VRK3: variants seen among roughly 807,000 people sequenced by gnomAD.
VRK3 encodes the protein VRK serine/threonine kinase 3, also known as serine/threonine-protein kinase VRK3.
A neutral mutation model predicts 60.4 loss-of-function variants in VRK3; 50 were observed. The observed-to-expected ratio is 0.83, with a 90% CI of 0.66 to 1.05. VRK3 has a LOEUF of 1.05. VRK3 is among the 50% of genes least tolerant of loss of function. The probability of loss-of-function intolerance (pLI) is 0.00; values close to 1 mark genes in which losing one functional copy is unlikely to be tolerated. For synonymous variants in VRK3, 246 were observed against 227.8 expected (o/e 1.08, Z -0.72); for missense variants, 549 against 585.3 (o/e 0.94, Z 0.64).
chr19:49,978,418 G>A (rs76993087), intron 14 of VRK3, among the ~76,000 whole-genome samples: 257 of 152,304 alleles, frequency 1.7e-3, no homozygotes, highest in Non-Finnish European at 2.6e-3. Flanking sequence ...ATTCCTGCAC[G>A]TTTACACAAA....
intron 5 of VRK3, among the ~76,000 whole-genome samples, chr19:50,004,619 T>C (rs1312995729): frequency 6.6e-6 from 1 of 152,020 alleles, no homozygotes; most frequent in African/African-American, 2.4e-5. Flanking sequence ...ACACAGAGAG[T>C]TCCCAAAGTG....
At chr19:49,979,765 C>A (rs371778393) in intron 13 of VRK3, among the ~76,000 whole-genome samples, 12 of 152,070 alleles carry the variant, frequency 7.9e-5, no homozygotes, top group Non-Finnish European at 1.3e-4. Flanking sequence ...GTAATTCAGC[C>A]GGGCGCGGTG....
chr19:50,007,605 A>G lies in VRK3; in HGVS notation c.511T>C (p.Phe171Leu), dbSNP rs11547883. Reference sequence around the variant, plus strand: ...ATGCCCTGGTTGTCCCTGGTCTGGAAGGACTTCAGCTTCCACTGTCGCCCA... The same window carrying G: ...ATGCCCTGGTTGTCCCTGGTCTGGAGGGACTTCAGCTTCCACTGTCGCCCA... ...KSGRQWKLKS[F>L]QTRDNQGILY... is the part of the protein sequence containing the mutation. The change falls in exon 5 of 15, where the codon TTC (phenylalanine) becomes CTC (leucine). Residue 171 changes from phenylalanine (F) to leucine (L), a missense_variant. Coordinates refer to ENST00000316763, the MANE Select transcript of VRK3 (RefSeq NM_016440.4). 9.9e-3 allele frequency: 15,945 copies of G among 1,614,148 alleles called. 1,374 individuals carry two copies. In the African/African-American group the frequency reaches 0.19, roughly 19 times the overall value.
intron 12 of VRK3, chr19:49,986,994 T>C (rs1156578351): frequency 6.6e-6 from 1 of 152,214 alleles, no homozygotes; most frequent in Non-Finnish European, 1.5e-5. Context: ...TTCAAGCAAT[T>C]TTCCTGCCTC....
At chr19:50,023,654 GGC>G in intron 1 of VRK3, among the ~76,000 whole-genome samples, 1 of 152,152 alleles carries the variant, frequency 6.6e-6, no homozygotes, top group Non-Finnish European at 1.5e-5. Flanking sequence ...AAACAGGCCT[GGC>G]ACAGAGCAAA....
At chr19:50,000,179 G>GGCGGGGCTA (rs1184548918) in intron 6 of VRK3, 2 of 152,666 alleles carry the variant, frequency 1.3e-5, no homozygotes. Context: ...CAGGGATGAT[G>GGCGGGGCTA]GCGGGGCTAT....
intron 3 of VRK3, among the ~76,000 whole-genome samples, chr19:50,012,774 C>T (rs2077015592): frequency 6.6e-6 from 1 of 152,232 alleles, no homozygotes; most frequent in Admixed American, 6.5e-5. Flanking sequence ...ACTACGGAGG[C>T]TGAGGCAGGA....
At chr19:49,984,479 C>T (rs1363481435) in intron 12 of VRK3, among the ~76,000 whole-genome samples, 1 of 152,160 alleles carries the variant, frequency 6.6e-6, no homozygotes, top group East Asian at 1.9e-4. Context: ...CTACCTCCAC[C>T]CTCACCTGCA....
intron 11 of VRK3, 110 bp downstream of exon 11, chr19:49,989,529 T>A: frequency 7.1e-7 from 1 of 1,414,912 alleles, no homozygotes; most frequent in Non-Finnish European, 9.4e-7. Flanking sequence ...CCTGGCGCCC[T>A]TAGTGCCTCT....
chr19:50,007,756 C>G lies in VRK3; in HGVS notation c.360G>C (p.Arg120Ser). 1 of 1,614,032 alleles carries G rather than the reference C, an allele frequency of 6.2e-7. No homozygotes were observed. The highest frequency in any genetic ancestry group is 1.1e-5 in the South Asian group (1 of 90,980). Residue 120 changes from arginine (R) to serine (S), a missense_variant, in exon 5 of 15, where the codon AGG (arginine) becomes AGC (serine). Arg to Ser is a moderately radical substitution (Grantham distance 110, BLOSUM62 -1). Transcript: ENST00000316763. ...TACAGCTGGTCTTCTGAGGGCTACC[C>G]CTGGTCACCTGAGGGCTCTTCCTGG... ...QKTRKSPQVT[R>S]GSPQKTSCSP...
intron 10 of VRK3, 83 bp downstream of exon 10, chr19:49,992,777 C>G: frequency 7.7e-7 from 1 of 1,290,904 alleles, no homozygotes; most frequent in Non-Finnish European, 1.1e-6. Context: ...CTGTAATAAG[C>G]ACTATGAAAT....
At chr19:50,022,994 A>C (rs115779557) in intron 1 of VRK3, among the ~76,000 whole-genome samples, 1 of 151,928 alleles carries the variant, frequency 6.6e-6, no homozygotes. Context: ...AGTCAGCCAC[A>C]ACAGCTTCGG....
chr19:49,992,858 A>G lies in VRK3; in HGVS notation c.963+2T>C. 1 of 1,614,064 alleles carries G rather than the reference A, an allele frequency of 6.2e-7. No homozygotes were observed. Among genetic ancestry groups the G allele is most frequent in the Non-Finnish European group, 8.5e-7 (1 of 1,179,992 alleles). Reference sequence around the variant, plus strand: ...CCAGAGTGGGCAGGAGCTGGCTCTTACCTGACTCTGGTCCTCTGGATCCAC... The same window carrying G: ...CCAGAGTGGGCAGGAGCTGGCTCTTGCCTGACTCTGGTCCTCTGGATCCAC... On this transcript the variant is annotated splice_donor_variant, in intron 10 of 14. Coordinates refer to ENST00000316763, the MANE Select transcript of VRK3 (RefSeq NM_016440.4). LOFTEE classifies it high-confidence loss of function.
At chr19:50,024,082 C>T (rs529950081) in intron 1 of VRK3, among the ~76,000 whole-genome samples, 52 of 152,224 alleles carry the variant, frequency 3.4e-4, no homozygotes, top group African/African-American at 1.1e-3. Context: ...GGATTACAGG[C>T]GCATGCCACC....
intron 12 of VRK3, 33 bp downstream of exon 12, chr19:49,988,339 A>C (rs2076552296): frequency 7.6e-6 from 12 of 1,581,022 alleles, no homozygotes; most frequent in Non-Finnish European, 1.0e-5. Context: ...TCTGCTGACC[A>C]CCTGCAGGGG....
intron 3 of VRK3, among the ~76,000 whole-genome samples, chr19:50,011,759 G>A (rs1022012429): frequency 1.5e-5 from 2 of 133,888 alleles, no homozygotes; most frequent in Non-Finnish European, 3.1e-5. Context: ...ACTCCCTCCC[G>A]TGGTCCTGCC....
chr19:50,015,211 T>C (rs2077055896), intron 3 of VRK3, among the ~76,000 whole-genome samples: 1 of 152,048 alleles, frequency 6.6e-6, no homozygotes, highest in Non-Finnish European at 1.5e-5. Flanking sequence ...AGGCTGAGCA[T>C]CCCAAATCCG....
At chr19:50,013,271 A>G (rs28648807) in intron 3 of VRK3, among the ~76,000 whole-genome samples, 8,017 of 152,268 alleles carry the variant, frequency 0.053, 696 homozygotes, top group African/African-American at 0.18. Context: ...TCAACTTGAG[A>G]CCTCAAGGCA....
intron 2 of VRK3, among the ~76,000 whole-genome samples, chr19:50,016,448 C>T (rs2077080725): frequency 6.6e-6 from 1 of 152,204 alleles, no homozygotes; most frequent in Non-Finnish European, 1.5e-5. Flanking sequence ...CATCTCATGG[C>T]CGAGGCAGTT....
Sources: gnomAD v4.1 joint callset for allele counts (sites outside exome capture counted in the v4.1 genomes callset) on GRCh38, gnomAD v4.1.1 for gene constraint, MANE v1.5 for transcripts, NCBI Gene and HGNC (gene_info 2026-07-23, HGNC 2026-07-21) for gene names.